KCNH1: variants seen among roughly 807,000 people sequenced by gnomAD.
The protein encoded by KCNH1 is voltage-gated delayed rectifier potassium channel KCNH1.
In KCNH1, 27 loss-of-function variants were observed where a neutral mutation model predicts 69.2. The observed-to-expected ratio is 0.39, with a 90% confidence interval of 0.29 to 0.54. KCNH1 has a LOEUF of 0.54. Among genes scored for constraint, KCNH1 ranks in the 20% least tolerant of loss-of-function variants. The pLI is 0.68. For synonymous variants in KCNH1, 456 were observed against 487.7 expected (o/e 0.93, Z 0.86); for missense variants, 798 against 1,261.6 (o/e 0.63, Z 5.57).
At chr1:211,122,115 G>A (rs1351802808) in intron 1 of KCNH1, among the ~76,000 whole-genome samples, 3 of 151,930 alleles carry the variant, frequency 2.0e-5, no homozygotes, top group Non-Finnish European at 2.9e-5. Flanking sequence ...TCCAGCCTGG[G>A]CGACAGTGAG....
chr1:210,837,673 G>A (rs1685316091), intron 7 of KCNH1, among the ~76,000 whole-genome samples: 1 of 152,140 alleles, frequency 6.6e-6, no homozygotes, highest in Non-Finnish European at 1.5e-5. Flanking sequence ...CAAGAACCTT[G>A]GAATCGGCCA....
At chr1:211,099,194 A>G (rs1241501540) in intron 3 of KCNH1, among the ~76,000 whole-genome samples, 2 of 152,168 alleles carry the variant, frequency 1.3e-5, no homozygotes, top group South Asian at 2.1e-4. Context: ...ATGATTTTTA[A>G]ATTGTATACA....
At chr1:210,699,852 C>T (rs1013423978) in intron 10 of KCNH1, among the ~76,000 whole-genome samples, 11 of 152,148 alleles carry the variant, frequency 7.2e-5, no homozygotes, top group Non-Finnish European at 1.6e-4. Context: ...GTGTTTGAGG[C>T]TACTAAGTGG....
intron 7 of KCNH1, among the ~76,000 whole-genome samples, chr1:210,833,205 GT>G (rs1685201533): frequency 6.6e-6 from 1 of 152,000 alleles, no homozygotes; most frequent in Admixed American, 6.6e-5. Context: ...TATAAATCAG[GT>G]TTCTTAAAGT....
At chr1:210,757,133 T>C (rs76941136) in intron 10 of KCNH1, among the ~76,000 whole-genome samples, 25,185 of 152,072 alleles carry the variant, frequency 0.17, 2,780 homozygotes, top group Non-Finnish European at 0.25. Flanking sequence ...TTTGTAGCCC[T>C]GGGGGAGGCT....
intron 7 of KCNH1, among the ~76,000 whole-genome samples, chr1:210,848,748 T>C (rs1022999161): frequency 1.3e-5 from 2 of 152,210 alleles, no homozygotes; most frequent in African/African-American, 2.4e-5. Flanking sequence ...TTCATAATAA[T>C]ATACTATATA....
intron 10 of KCNH1, among the ~76,000 whole-genome samples, chr1:210,712,814 CTG>C (rs1306107028): frequency 6.6e-6 from 1 of 152,204 alleles, no homozygotes; most frequent in Non-Finnish European, 1.5e-5. Flanking sequence ...TAACAGGAAT[CTG>C]TACCTGCCTA....
intron 4 of KCNH1, among the ~76,000 whole-genome samples, chr1:211,089,678 T>G (rs1210704118): frequency 6.6e-6 from 1 of 152,232 alleles, no homozygotes; most frequent in African/African-American, 2.4e-5. Context: ...CTCATCTCTT[T>G]GCTACATCTC....
At chr1:210,811,513 C>T (rs966550995) in intron 7 of KCNH1, among the ~76,000 whole-genome samples, 3 of 152,124 alleles carry the variant, frequency 2.0e-5, no homozygotes, top group Admixed American at 2.0e-4. Flanking sequence ...GTTATCTCTC[C>T]TCTCATTCTT....
At chr1:210,862,845 C>T (rs1354665060) in intron 7 of KCNH1, among the ~76,000 whole-genome samples, 1 of 152,136 alleles carries the variant, frequency 6.6e-6, no homozygotes, top group Non-Finnish European at 1.5e-5. Context: ...TTAAGGAAGC[C>T]TTAACTCACT....
intron 6 of KCNH1, among the ~76,000 whole-genome samples, chr1:210,981,556 T>C (rs571567229): frequency 2.0e-5 from 3 of 152,090 alleles, no homozygotes; most frequent in Non-Finnish European, 2.9e-5. Context: ...AAAAATGTCT[T>C]CATTTGCTAG....
intron 7 of KCNH1, among the ~76,000 whole-genome samples, chr1:210,874,777 G>GA (rs1686331291): frequency 1.3e-5 from 2 of 151,822 alleles, no homozygotes; most frequent in African/African-American, 4.8e-5. Context: ...AGTGTTTAAT[G>GA]AAAAAAAGGA....
chr1:210,984,227 A>C (rs1267220224), intron 6 of KCNH1, among the ~76,000 whole-genome samples: 1 of 152,198 alleles, frequency 6.6e-6, no homozygotes, highest in Non-Finnish European at 1.5e-5. Context: ...AAACAGCGAC[A>C]ATTTGACTTC....
chr1:210,910,293 A>AAT (rs1687203701), intron 7 of KCNH1, among the ~76,000 whole-genome samples: 1 of 150,450 alleles, frequency 6.6e-6, no homozygotes, highest in Non-Finnish European at 1.5e-5. Flanking sequence ...AAAAAAAAAA[A>AAT]AATCATCAAA....
At chr1:211,019,428 TA>T (rs1689549659) in intron 5 of KCNH1, among the ~76,000 whole-genome samples, 172 bp from the exon 6 acceptor site, 1 of 152,164 alleles carries the variant, frequency 6.6e-6, no homozygotes, top group Non-Finnish European at 1.5e-5. Context: ...ATAATAGAAA[TA>T]ATCATAAAGA....
chr1:210,869,914 T>C (rs1009045170), intron 7 of KCNH1, among the ~76,000 whole-genome samples: 6 of 152,120 alleles, frequency 3.9e-5, no homozygotes, highest in African/African-American at 1.4e-4. Context: ...CAGTCAGCTG[T>C]AGTTACAAGA....
intron 7 of KCNH1, among the ~76,000 whole-genome samples, chr1:210,902,813 C>T (rs12569344): frequency 0.27 from 41,477 of 152,076 alleles, 5,837 homozygotes; most frequent in Admixed American, 0.33. Flanking sequence ...CAGACAATCA[C>T]TGTTTCTCCA....
At chr1:210,840,003 GAGAC>G (rs1685372012) in intron 7 of KCNH1, among the ~76,000 whole-genome samples, 1 of 152,160 alleles carries the variant, frequency 6.6e-6, no homozygotes, top group South Asian at 2.1e-4. Flanking sequence ...GTGAGAGACA[GAGAC>G]AGACAGAGAC....
intron 8 of KCNH1, among the ~76,000 whole-genome samples, chr1:210,802,788 A>T (rs1684456101): frequency 6.6e-6 from 1 of 152,094 alleles, no homozygotes; most frequent in Non-Finnish European, 1.5e-5. Context: ...TAAGGCACAA[A>T]CTCTTGATCA....
Sources: gnomAD v4.1 joint callset for allele counts (sites outside exome capture counted in the v4.1 genomes callset) on GRCh38, gnomAD v4.1.1 for gene constraint, MANE v1.5 for transcripts, NCBI Gene and HGNC (gene_info 2026-07-23, HGNC 2026-07-21) for gene names.